The following RAB27B variants were observed in gnomAD, a reference collection of about 807,000 sequenced individuals.
The protein encoded by RAB27B is ras-related protein Rab-27B.
In RAB27B, 15 loss-of-function variants were observed where a neutral mutation model predicts 24.6. That is an observed-to-expected ratio of 0.61 (90% CI 0.41 to 0.94). RAB27B has a LOEUF of 0.94. Ranked by LOEUF, RAB27B falls within the 40% of genes least tolerant of loss-of-function variation. The pLI is 0.00. For missense variants in RAB27B, 261 were observed against 266.8 expected (o/e 0.98, Z 0.15); for synonymous variants, 105 against 92.5 (o/e 1.14, Z -0.78).
intron 1 of RAB27B, among the ~76,000 whole-genome samples, chr18:54,856,328 T>C (rs1441823678): frequency 6.6e-6 from 1 of 152,172 alleles, no homozygotes; most frequent in Non-Finnish European, 1.5e-5. Context: ...TCAAGGAATA[T>C]AACAAAGAGG....
chr18:54,756,008 T>C lies in RAB27B; in HGVS notation c.-20+37867T>C, dbSNP rs184632586. ...TAACTGTTTTGATTGGCTGTTTCAG[T>C]AGGGATATAGGTAGTATTTTCTATC... is the stretch of plus-strand genomic sequence containing the variant. On this transcript the variant is annotated intron_variant, in intron 2 of 4. Transcript: ENST00000586570. 2.4e-4 allele frequency among the ~76,000 whole-genome samples: 37 copies of C among 152,332 alleles called. No homozygotes were observed. The East Asian group carries it at 5.0e-3, about 21-fold the overall frequency.
intron 2 of RAB27B, among the ~76,000 whole-genome samples, chr18:54,736,057 A>T (rs1909882018): frequency 6.6e-6 from 1 of 152,186 alleles, no homozygotes; most frequent in Admixed American, 6.6e-5. Context: ...TACTTGGTTT[A>T]CTTGGTTTCA....
intron 2 of RAB27B, among the ~76,000 whole-genome samples, chr18:54,761,532 C>G (rs1908188720): frequency 6.6e-6 from 1 of 152,204 alleles, no homozygotes; most frequent in Non-Finnish European, 1.5e-5. Flanking sequence ...TCCCTGCTTA[C>G]ATACAACAGT....
intron 4 of RAB27B, 126 bp downstream of exon 4, chr18:54,884,562 T>C (rs1190009935): frequency 4.9e-6 from 3 of 616,548 alleles, no homozygotes; most frequent in East Asian, 5.5e-5. Flanking sequence ...GAGTTTAGTG[T>C]TGCCTGTGCC....
chr18:54,752,733 A>G (rs1907873665), intron 2 of RAB27B, among the ~76,000 whole-genome samples: 1 of 152,218 alleles, frequency 6.6e-6, no homozygotes, highest in Admixed American at 6.5e-5. Context: ...AAAGTCCCTT[A>G]TCAGCAGAGC....
intron 4 of RAB27B, among the ~76,000 whole-genome samples, chr18:54,887,695 T>C (rs1913202151): frequency 6.6e-6 from 1 of 152,172 alleles, no homozygotes; most frequent in African/African-American, 2.4e-5. Context: ...AAGGAATACA[T>C]ATGATGTATT....
intron 2 of RAB27B, among the ~76,000 whole-genome samples, chr18:54,804,567 A>G (rs1568072373): frequency 6.6e-6 from 1 of 152,180 alleles, no homozygotes; most frequent in Non-Finnish European, 1.5e-5. Flanking sequence ...CAGTGTGAAA[A>G]CAGACTAATT....
At chr18:54,794,826 G>A (rs890214447) in intron 2 of RAB27B, among the ~76,000 whole-genome samples, 1 of 152,116 alleles carries the variant, frequency 6.6e-6, no homozygotes, top group Non-Finnish European at 1.5e-5. Flanking sequence ...CTTTTATTTA[G>A]TACAAAATAA....
At chr18:54,730,585 G>A (rs566443564) in intron 2 of RAB27B, among the ~76,000 whole-genome samples, 32 of 152,098 alleles carry the variant, frequency 2.1e-4, no homozygotes, top group African/African-American at 7.0e-4. Flanking sequence ...TTTGGGTCAC[G>A]GGGGTTGATG....
At chr18:54,882,496 C>G (rs969886454) in intron 3 of RAB27B, among the ~76,000 whole-genome samples, 4 of 152,188 alleles carry the variant, frequency 2.6e-5, no homozygotes, top group Admixed American at 2.6e-4. Context: ...GCAGGCCCAC[C>G]AGGAGGAGCG....
At chr18:54,770,419 A>G (rs1908506821) in intron 2 of RAB27B, among the ~76,000 whole-genome samples, 1 of 151,908 alleles carries the variant, frequency 6.6e-6, no homozygotes, top group Non-Finnish European at 1.5e-5. Flanking sequence ...TGTACTCCTT[A>G]TGATAATCTA....
rs755843368 is a variant in RAB27B, at chr18:54,888,073, G to C, written c.422G>C (p.Arg141Thr). Residue 141 changes from arginine to threonine, a missense_variant, in exon 5 of 6, where the codon AGG (arginine) becomes ACG (threonine). Transcript: ENST00000262094. ...AACAAGGCAGACCTACCAGATCAGA[G>C]GGAAGTCAATGAACGGCAAGCTCGG... ...IGNKADLPDQREVNERQAREL... is the reference protein window; with the variant it reads ...IGNKADLPDQTEVNERQAREL... The C allele has an allele frequency of 5.0e-6, 8 of 1,613,182 alleles. No homozygotes were observed. Among genetic ancestry groups the C allele is most frequent in the Non-Finnish European group, 6.8e-6 (8 of 1,179,402 alleles).
intron 2 of RAB27B, among the ~76,000 whole-genome samples, chr18:54,739,402 G>C (rs1453644141): frequency 6.8e-6 from 1 of 147,998 alleles, no homozygotes; most frequent in Non-Finnish European, 1.5e-5. Context: ...GTTACAGTGA[G>C]CTGAGATCCT....
chr18:54,861,675 G>A (rs918007976), intron 1 of RAB27B, among the ~76,000 whole-genome samples: 2 of 152,182 alleles, frequency 1.3e-5, no homozygotes, highest in Non-Finnish European at 2.9e-5. Flanking sequence ...GCTACATGTT[G>A]GAATCATTAG....
chr18:54,852,436 A>G (rs141503019), intron 1 of RAB27B, among the ~76,000 whole-genome samples: 2 of 152,294 alleles, frequency 1.3e-5, no homozygotes, highest in Non-Finnish European at 1.5e-5. Context: ...TCTTCACACT[A>G]TTCAGAAACT....
Position 54,726,961 on chromosome 18 carries a change from T to G in RAB27B, c.-20+8820T>G, listed in dbSNP as rs541508539. Among the ~76,000 whole-genome samples, 36 of 152,308 alleles carry G rather than the reference T, an allele frequency of 2.4e-4. 1 individual carries two copies. In the South Asian group the frequency reaches 7.0e-3, roughly 30 times the overall value. ...TGTCATATCAAAATAAGATTTTAGT[T>G]TTTTAAAGAAAGAGTTTCTATTTTT... On this transcript the variant is annotated intron_variant, in intron 2 of 4. Coordinates refer to the RAB27B transcript ENST00000586570.
intron 2 of RAB27B, among the ~76,000 whole-genome samples, chr18:54,724,464 C>T (rs901332867): frequency 1.3e-5 from 2 of 151,450 alleles, no homozygotes; most frequent in Non-Finnish European, 3.0e-5. Context: ...TGGCTCATGC[C>T]TGTAATCCCA....
At chr18:54,865,282 C>G (rs1246893341) in intron 1 of RAB27B, among the ~76,000 whole-genome samples, 1 of 117,636 alleles carries the variant, frequency 8.5e-6, no homozygotes, top group Admixed American at 8.1e-5. Context: ...TGTCCTTTTT[C>G]TCTTCATAGT....
At chr18:54,744,523 T>C (rs1488257471) in intron 2 of RAB27B, among the ~76,000 whole-genome samples, 1 of 152,184 alleles carries the variant, frequency 6.6e-6, no homozygotes, top group South Asian at 2.1e-4. Flanking sequence ...TTTCATCACA[T>C]ACACACAAAT....
Sources: gnomAD v4.1 joint callset for allele counts (sites outside exome capture counted in the v4.1 genomes callset) on GRCh38, gnomAD v4.1.1 for gene constraint, MANE v1.5 for transcripts, NCBI Gene and HGNC (gene_info 2026-07-23, HGNC 2026-07-21) for gene names.